SNED1: variants seen among roughly 807,000 people sequenced by gnomAD.
SNED1 encodes sushi, nidogen and EGF-like domain-containing protein 1.
In SNED1, 81 loss-of-function variants were observed where a neutral mutation model predicts 166.7. That is an observed-to-expected ratio of 0.49 (90% CI 0.41 to 0.58). SNED1 has a LOEUF of 0.58. SNED1 is among the 20% of genes least tolerant of loss of function. The probability of loss-of-function intolerance (pLI) is 0.00; values close to 1 mark genes in which losing one functional copy is unlikely to be tolerated. For synonymous variants in SNED1, 762 were observed against 822.0 expected (o/e 0.93, Z 1.25); for missense variants, 1,604 against 2,000.2 (o/e 0.80, Z 3.78).
intron 1 of SNED1, among the ~76,000 whole-genome samples, chr2:241,006,547 A>G (rs1284665748): frequency 1.3e-5 from 2 of 152,214 alleles, no homozygotes; most frequent in African/African-American, 4.8e-5. Context: ...AGTTGCAGAT[A>G]TGGAAAGGAG....
At chr2:241,089,997 C>T (rs1413323701) in intron 31 of SNED1, 43 of 1,548,984 alleles carry the variant, frequency 2.8e-5, no homozygotes, top group Non-Finnish European at 3.6e-5. Flanking sequence ...GGGCGCTTAG[C>T]GTAGCTGGAA....
rs778860008 is a variant in SNED1 at position 241,063,993 on chromosome 2, C to T, written c.2486-19C>T. The T allele has an allele frequency of 5.5e-5, 84 of 1,530,918 alleles. No homozygotes were observed. The highest frequency in any genetic ancestry group is 7.1e-5 in the Non-Finnish European group (80 of 1,129,264). 94.8% of individuals were successfully genotyped at this position (1,530,918 alleles called of 1,614,324 possible). ...ACTCCCCCCTTGCAGCTTGGGCCCA[C>T]TCTCTGGGTGTTCTCCAGAGGTGGA... On this transcript the variant is annotated intron_variant, in intron 18 of 31. Transcript: ENST00000310397.
chr2:241,022,946 CTCTT>C (rs2124924003), intron 1 of SNED1, among the ~76,000 whole-genome samples: 1 of 152,228 alleles, frequency 6.6e-6, no homozygotes, highest in African/African-American at 2.4e-5. Context: ...TTTGTGCCTT[CTCTT>C]TCTTACTTGA....
intron 2 of SNED1, among the ~76,000 whole-genome samples, chr2:241,033,025 G>T (rs1365799188): frequency 6.6e-6 from 1 of 151,928 alleles, no homozygotes; most frequent in Non-Finnish European, 1.5e-5. Context: ...CTCCCTTTTG[G>T]TTTTTGCTGT....
intron 1 of SNED1, among the ~76,000 whole-genome samples, chr2:241,009,793 TGTCCCATGTGTGTTTCCCCGGAGGC>T (rs143842304): frequency 0.1 from 15,833 of 152,018 alleles, 2,708 homozygotes; most frequent in African/African-American, 0.35. Context: ...TGACTGCTTC[TGTCCCATGTGTGTTTCCCCGGAGGC>T]GTCCCATGTG....
chr2:241,009,564 G>A (rs1254710450), intron 1 of SNED1, among the ~76,000 whole-genome samples: 1 of 152,140 alleles, frequency 6.6e-6, no homozygotes, highest in African/African-American at 2.4e-5. Flanking sequence ...CGGGGGCTGG[G>A]GGCATGGCCC....
At chr2:241,084,427 T>G (rs900691504) in intron 29 of SNED1, among the ~76,000 whole-genome samples, 8 of 152,292 alleles carry the variant, frequency 5.3e-5, no homozygotes, top group African/African-American at 1.9e-4. Context: ...GTGCTGGGAT[T>G]ACAGGCGTGA....
In SNED1 at chr2:241,071,707, A is replaced by T. The variant is rs771781647; in HGVS notation, c.3721A>T (p.Thr1241Ser). The stretch of plus-strand genomic sequence containing the variant: ...TGACCACAGCGCCCCCGAGACCCCC[A>T]CCCAGCCCCCCAGGTACATGCCCCA... ...LNDHSAPETP[T>S]QPPRFSELVD... Residue 1241 changes from threonine to serine, a missense_variant, in exon 25 of 32, where the codon ACC (threonine) becomes TCC (serine). Thr to Ser is a moderately conservative substitution (Grantham distance 58). Transcript: ENST00000310397. The T allele has an allele frequency of 1.2e-6, 1 of 805,482 alleles. No homozygotes were observed. The highest frequency in any genetic ancestry group is 1.8e-6 in the Non-Finnish European group (1 of 564,404). 49.9% of individuals were successfully genotyped at this position (805,482 alleles called of 1,614,324 possible). A position where few individuals can be genotyped will look rare whatever the true frequency, so the allele number is the denominator to read the frequency against.
chr2:241,084,450 G>A (rs1028525331), intron 29 of SNED1, among the ~76,000 whole-genome samples: 6 of 152,064 alleles, frequency 3.9e-5, no homozygotes, highest in African/African-American at 1.2e-4. Flanking sequence ...GACTGTGCCC[G>A]GCCAGCAGTG....
rs1231960940 is a variant in SNED1 at position 241,073,667 on chromosome 2, T to C, written c.3916+303T>C. ...TCCCCTCTCCTCCTTCGCCTCCACA[T>C]GCAGCAGAGCCCACCCCAGCCCCTG... On this transcript the variant is annotated intron_variant, in intron 27 of 31. Transcript: ENST00000310397. The surrounding 1 kb of genome is among the most constrained non-coding windows in gnomAD (Gnocchi z 6.6). 1.6e-5 allele frequency: 8 copies of C among 500,858 alleles called. No individual in the cohort carries two copies. The allele number at this position is 500,858 out of a possible 1,614,324, so 31.0% of individuals were successfully genotyped here.
chr2:241,073,920 G>A lies in SNED1; in HGVS notation c.3916+556G>A, dbSNP rs2062875523. On this transcript the variant is annotated intron_variant, in intron 27 of 31. Transcript: ENST00000310397. This position sits in a 1 kb window ranked among gnomAD's most constrained non-coding sequence, Gnocchi z 6.6. The stretch of plus-strand genomic sequence containing the variant: ...ACCAAGCATCTGCTGAGCACCTGCA[G>A]TAAGAGTTCCCAGACGCTCACGAGG... 6.2e-6 allele frequency: 1 copy of A among 160,962 alleles called. No individual in the cohort carries two copies. Among genetic ancestry groups the A allele is most frequent in the Non-Finnish European group, 1.4e-5 (1 of 74,032 alleles). The allele number at this position is 160,962 out of a possible 1,614,324, so 10.0% of individuals were successfully genotyped here.
chr2:241,085,040 T>A (rs1380619020), intron 29 of SNED1, among the ~76,000 whole-genome samples: 1 of 152,206 alleles, frequency 6.6e-6, no homozygotes. Context: ...CCTGCCCCTT[T>A]TATGTTTTCC....
intron 1 of SNED1, among the ~76,000 whole-genome samples, chr2:241,000,750 A>C (rs1486371565): frequency 6.6e-6 from 1 of 152,268 alleles, no homozygotes; most frequent in Non-Finnish European, 1.5e-5. Context: ...CTGGCTGCTA[A>C]CAAAACATTT....
At chr2:241,045,712 G>T (rs1482196611) in intron 8 of SNED1, among the ~76,000 whole-genome samples, 1 of 125,444 alleles carries the variant, frequency 8.0e-6, no homozygotes. Context: ...GAAAACATAG[G>T]CAAAAAAAAA....
At chr2:241,049,724 G>A (rs907911917) in intron 11 of SNED1, 93 bp from the exon 12 acceptor site, 19 of 888,980 alleles carry the variant, frequency 2.1e-5, no homozygotes, top group Middle Eastern at 3.1e-4. Context: ...AGGATGTCAG[G>A]GTAACCCTGG....
At position 241,041,010 on chromosome 2, in the gene SNED1, C is replaced by T. The variant is rs143721544; in HGVS notation, c.1273+597C>T. 2.0e-3 allele frequency: 753 copies of T among 374,026 alleles called. 20 individuals carry two copies. In the Admixed American group the frequency reaches 0.026, roughly 13 times the overall value. The allele number at this position is 374,026 out of a possible 1,614,324, so 23.2% of individuals were successfully genotyped here. A position where few individuals can be genotyped will look rare whatever the true frequency, so the allele number is the denominator to read the frequency against. On this transcript the variant is annotated intron_variant, in intron 8 of 31. Transcript: ENST00000310397. ...CACCCACTGTGCCGACTTCTGTGGACGCACCAGGTGCTGCTTCTCTCCAGG... is the reference window on the plus strand; with the variant it reads ...CACCCACTGTGCCGACTTCTGTGGATGCACCAGGTGCTGCTTCTCTCCAGG...
In SNED1 at chr2:241,073,795, A is replaced by G. The variant is rs1417994576; in HGVS notation, c.3916+431A>G. On this transcript the variant is annotated intron_variant, in intron 27 of 31. Transcript: ENST00000310397. This position sits in a 1 kb window ranked among gnomAD's most constrained non-coding sequence, Gnocchi z 6.6. ...CTGGGCGAGCCCCAGCTTGAGGACTAGCTGGGCCCTGTGGACACTCAGGTT... is the reference window on the plus strand; with the variant it reads ...CTGGGCGAGCCCCAGCTTGAGGACTGGCTGGGCCCTGTGGACACTCAGGTT... 6.7e-6 allele frequency: 2 copies of G among 296,950 alleles called. No individual in the cohort carries two copies. Among genetic ancestry groups the G allele is most frequent in the Non-Finnish European group, 1.3e-5 (2 of 159,172 alleles). The allele number at this position is 296,950 out of a possible 1,614,324, so 18.4% of individuals were successfully genotyped here.
rs747185039 is a variant in SNED1, at chr2:241,049,078, A to G, written c.1561A>G (p.Met521Val). The change falls in exon 11 of 32, where the codon ATG becomes GTG. Residue 521 changes from methionine (M) to valine (V), a missense_variant. Met to Val is a conservative substitution (Grantham distance 21). Coordinates refer to ENST00000310397, the MANE Select transcript of SNED1 (RefSeq NM_001080437.3). ...NTQCPDGGYC[M>V]EHGGSYLCVC... ...ACAGTGCCCAGATGGGGGCTACTGCATGGAGCACGGCGGGAGCTACCTCTG... is the reference window on the plus strand; with the variant it reads ...ACAGTGCCCAGATGGGGGCTACTGCGTGGAGCACGGCGGGAGCTACCTCTG... 2.5e-6 allele frequency: 4 copies of G among 1,613,696 alleles called. No homozygotes were observed. In the East Asian group the frequency reaches 8.9e-5, roughly 36 times the overall value.
At chr2:241,002,286 G>A (rs984296579) in intron 1 of SNED1, among the ~76,000 whole-genome samples, 1 of 152,170 alleles carries the variant, frequency 6.6e-6, no homozygotes, top group Admixed American at 6.5e-5. Context: ...CGAGGCCTGC[G>A]CATGAGTGGA....
Sources: gnomAD v4.1 joint callset for allele counts (sites outside exome capture counted in the v4.1 genomes callset) on GRCh38, gnomAD v4.1.1 for gene constraint, Gnocchi (gnomAD v3.1) non-coding constraint, MANE v1.5 for transcripts, NCBI Gene and HGNC (gene_info 2026-07-23, HGNC 2026-07-21) for gene names.